The following RNF144A variants were observed in gnomAD, a reference collection of about 807,000 sequenced individuals.
RNF144A encodes the protein E3 ubiquitin-protein ligase RNF144A.
Under a neutral mutation model 38.7 loss-of-function variants are expected in RNF144A, and 11 were observed. That is an observed-to-expected ratio of 0.28 (90% CI 0.18 to 0.47). The LOEUF is 0.47. Among genes scored for constraint, RNF144A ranks in the 20% least tolerant of loss-of-function variants. The probability of loss-of-function intolerance (pLI) is 0.99; values close to 1 mark genes in which losing one functional copy is unlikely to be tolerated. For missense variants in RNF144A, 316 were observed against 377.2 expected, an observed-to-expected ratio of 0.84 and a Z score of 1.34; for synonymous variants, 149 against 143.9, an observed-to-expected ratio of 1.04 and a Z score of -0.25.
chr2:6,987,985 A>C (rs1307009998), intron 2 of RNF144A, among the ~76,000 whole-genome samples: 2 of 152,214 alleles, frequency 1.3e-5, no homozygotes, highest in African/African-American at 4.8e-5. Flanking sequence ...TTAGCATACC[A>C]AAAACCACCA....
chr2:6,949,019 C>T (rs1301383413), intron 2 of RNF144A, among the ~76,000 whole-genome samples: 5 of 152,160 alleles, frequency 3.3e-5, no homozygotes, highest in Non-Finnish European at 7.3e-5. Flanking sequence ...CCTGTCCATC[C>T]CTGAAAGCGT....
chr2:6,949,616 C>G (rs547415322), intron 2 of RNF144A, among the ~76,000 whole-genome samples: 159 of 152,238 alleles, frequency 1.0e-3, no homozygotes, highest in African/African-American at 3.7e-3. Flanking sequence ...GTCGAAGAGA[C>G]CATGGAGTGA....
In RNF144A at chr2:7,043,260, C is replaced by A. The variant is rs1673159657; in HGVS notation, c.*3500C>A. The A allele has an allele frequency of 3.0e-6, 3 of 984,358 alleles. No individual in the cohort carries two copies. Among genetic ancestry groups the A allele is most frequent in the Non-Finnish European group, 3.6e-6 (3 of 828,988 alleles). The allele number at this position is 984,358 out of a possible 1,614,324, so 61.0% of individuals were successfully genotyped here. A position where few individuals can be genotyped will look rare whatever the true frequency, so the allele number is the denominator to read the frequency against. ...GCCAGTTCCTGATTAGAACACAGGA[C>A]CTGTGGGAGGGACTATCAGAGATGC... On this transcript the variant is annotated 3_prime_UTR_variant, in exon 9 of 9. Coordinates refer to ENST00000320892, the MANE Select transcript of RNF144A (RefSeq NM_014746.6).
chr2:6,971,852 C>T (rs1668017119), intron 2 of RNF144A, among the ~76,000 whole-genome samples: 1 of 152,192 alleles, frequency 6.6e-6, no homozygotes, highest in Non-Finnish European at 1.5e-5. Context: ...TATTTCTCTA[C>T]TGTGGGATAA....
At position 7,042,137 on chromosome 2, in the gene RNF144A, T is replaced by C. The variant is rs1400925678; in HGVS notation, c.*2377T>C. On this transcript the variant is annotated 3_prime_UTR_variant, in exon 9 of 9. Coordinates refer to ENST00000320892, the MANE Select transcript of RNF144A (RefSeq NM_014746.6). ...AAATTAAAATTGTCCATTTCCTATATAAATACCAGCAAGATCACTCTGAGA... is the reference window on the plus strand; with the variant it reads ...AAATTAAAATTGTCCATTTCCTATACAAATACCAGCAAGATCACTCTGAGA... The C allele has an allele frequency of 1.0e-6, 1 of 985,174 alleles. No homozygotes were observed. The highest frequency in any genetic ancestry group is 1.2e-6 in the Non-Finnish European group (1 of 829,788). 61.0% of individuals were successfully genotyped at this position (985,174 alleles called of 1,614,324 possible).
At chr2:6,936,844 A>AGTGTGTGTAT (rs71402824) in intron 1 of RNF144A, among the ~76,000 whole-genome samples, 1 of 144,092 alleles carries the variant, frequency 6.9e-6, no homozygotes, top group African/African-American at 2.6e-5. Flanking sequence ...CACACACAGT[A>AGTGTGTGTAT]GTGTGTGTGT....
rs973185364 is a variant in RNF144A, at chr2:6,958,259, C to A, written c.-12+17112C>A. On this transcript the variant is annotated intron_variant, in intron 2 of 8. Coordinates refer to ENST00000320892, the MANE Select transcript of RNF144A (RefSeq NM_014746.6). The surrounding 1 kb of genome is among the most constrained non-coding windows in gnomAD (Gnocchi z 4.5). ...TCTGGGCTGGTGAAGGGACAGAAAG[C>A]AAAGTGGAGTGATTGAAGGACACAG... 5.3e-5 allele frequency among the ~76,000 whole-genome samples: 8 copies of A among 152,208 alleles called. No individual in the cohort carries two copies. Among genetic ancestry groups the A allele is most frequent in the African/African-American group, 1.9e-4 (8 of 41,450 alleles).
At chr2:7,059,013 A>G (rs569757176) in intron 6 of RNF144A, among the ~76,000 whole-genome samples, 20 of 152,024 alleles carry the variant, frequency 1.3e-4, no homozygotes, top group African/African-American at 4.6e-4. Context: ...GCTTTTTGAC[A>G]TGGATTGAGA....
chr2:7,026,429 C>T (rs1671897751), intron 7 of RNF144A, among the ~76,000 whole-genome samples: 1 of 151,196 alleles, frequency 6.6e-6, no homozygotes, highest in Non-Finnish European at 1.5e-5. Flanking sequence ...GGAGTGGCAT[C>T]TGAAGTCTTA....
At chr2:6,919,907 A>G (rs757358927) in intron 1 of RNF144A, among the ~76,000 whole-genome samples, 3 of 152,228 alleles carry the variant, frequency 2.0e-5, no homozygotes, top group African/African-American at 7.2e-5. Flanking sequence ...TGGGAAACTC[A>G]AAGAGCATTG....
At chr2:7,057,316 A>G (rs1187933643) in intron 6 of RNF144A, among the ~76,000 whole-genome samples, 1 of 152,224 alleles carries the variant, frequency 6.6e-6, no homozygotes, top group Non-Finnish European at 1.5e-5. Flanking sequence ...TAGAGGCTCA[A>G]TAAATACCTC....
At chr2:6,924,145 G>C (rs991718057) in intron 1 of RNF144A, among the ~76,000 whole-genome samples, 1 of 152,252 alleles carries the variant, frequency 6.6e-6, no homozygotes, top group Non-Finnish European at 1.5e-5. Flanking sequence ...TGAGAAGTCA[G>C]ATGGGAATAT....
chr2:7,046,517 A>T (rs1014949803), downstream of RNF144A, among the ~76,000 whole-genome samples: 1 of 152,254 alleles, frequency 6.6e-6, no homozygotes, highest in African/African-American at 2.4e-5. Flanking sequence ...AGGATAAATG[A>T]GGAAATGACA....
chr2:6,990,385 TACACACACACACACAC>T (rs60196595), intron 2 of RNF144A, among the ~76,000 whole-genome samples: 1,742 of 123,870 alleles, frequency 0.014, 37 homozygotes, highest in African/African-American at 0.043. Context: ...TATATATATT[TACACACACACACACAC>T]ACACACACAC....
At chr2:6,942,816 T>G (rs187758767) in intron 2 of RNF144A, among the ~76,000 whole-genome samples, 23 of 152,290 alleles carry the variant, frequency 1.5e-4, no homozygotes, top group Admixed American at 1.4e-3. Flanking sequence ...AAACCCCATC[T>G]CTACTAAAAA....
chr2:7,052,838 A>AACACACACACAC (rs10670138), intron 6 of RNF144A, among the ~76,000 whole-genome samples: 3,013 of 150,064 alleles, frequency 0.02, 50 homozygotes, highest in Non-Finnish European at 0.023. Flanking sequence ...CCCCCTTTCC[A>AACACACACACAC]ACACACACAC....
intron 8 of RNF144A, among the ~76,000 whole-genome samples, chr2:7,035,496 GCCA>G (rs1672612535): frequency 6.6e-6 from 1 of 152,138 alleles, no homozygotes; most frequent in Admixed American, 6.5e-5. Flanking sequence ...GGTCAGCTGG[GCCA>G]CCCTCTGTCA....
intron 8 of RNF144A, among the ~76,000 whole-genome samples, chr2:7,039,126 G>T (rs1156720043): frequency 6.6e-6 from 1 of 151,576 alleles, no homozygotes; most frequent in Non-Finnish European, 1.5e-5. Context: ...ATGGATAGAT[G>T]GATGGGTAGG....
intron 1 of RNF144A, among the ~76,000 whole-genome samples, chr2:6,933,832 C>CTAAG (rs1665369583): frequency 6.6e-6 from 1 of 152,220 alleles, no homozygotes; most frequent in South Asian, 2.1e-4. Context: ...GAAATATTAA[C>CTAAG]TAAGGTTCAG....
Sources: allele counts gnomAD v4.1 joint callset (sites outside exome capture counted in the v4.1 genomes callset), GRCh38; gene constraint gnomAD v4.1.1; non-coding constraint Gnocchi (gnomAD v3.1); transcripts MANE v1.5; gene names NCBI Gene and HGNC (gene_info 2026-07-23, HGNC 2026-07-21).